The following CLEC4C variants were observed in gnomAD, a reference collection of about 807,000 sequenced individuals.
The protein encoded by CLEC4C is C-type (calcium dependent, carbohydrate-recognition domain) lectin, superfamily member 11.
CLEC4C carries 17 observed loss-of-function variants against 27.7 expected under a neutral mutation model. The observed-to-expected ratio is 0.61, with a 90% confidence interval of 0.42 to 0.92. The LOEUF is 0.92. CLEC4C is among the 40% of genes least tolerant of loss of function. The probability of loss-of-function intolerance (pLI) is 0.00; values close to 1 mark genes in which losing one functional copy is unlikely to be tolerated. For missense variants in CLEC4C, 244 were observed against 257.3 expected (o/e 0.95, Z 0.35); for synonymous variants, 80 against 80.8 (o/e 0.99, Z 0.06).
At chr12:7,737,365 A>G in intron 4 of CLEC4C, 64 bp downstream of exon 4, 1 of 1,320,626 alleles carries the variant, frequency 7.6e-7, no homozygotes, top group Admixed American at 2.7e-5. Flanking sequence ...AGGGCAATAA[A>G]AAGACTCTTT....
At chr12:7,745,867 ACT>A (rs1395390740) in intron 2 of CLEC4C, among the ~76,000 whole-genome samples, 1 of 152,002 alleles carries the variant, frequency 6.6e-6, no homozygotes, top group African/African-American at 2.4e-5. Flanking sequence ...AATAGTAATA[ACT>A]CATTTTATTA....
intron 3 of CLEC4C, among the ~76,000 whole-genome samples, chr12:7,740,428 G>A (rs925362678): frequency 6.6e-6 from 1 of 152,020 alleles, no homozygotes; most frequent in Non-Finnish European, 1.5e-5. Flanking sequence ...GGCCAGGCAC[G>A]GTGGCTCACG....
intron 5 of CLEC4C, among the ~76,000 whole-genome samples, 180 bp downstream of exon 5, chr12:7,730,617 G>A (rs950976565): frequency 2.7e-5 from 4 of 150,642 alleles, no homozygotes; most frequent in Admixed American, 2.7e-4. Flanking sequence ...TCTAGCCTGG[G>A]TGATGGAGTG....
chr12:7,731,478 C>A (rs949368046), intron 4 of CLEC4C, among the ~76,000 whole-genome samples: 1 of 152,180 alleles, frequency 6.6e-6, no homozygotes, highest in African/African-American at 2.4e-5. Flanking sequence ...AGCCACCTTT[C>A]GTATTTCTTT....
rs748789441 is a variant in CLEC4C at position 7,729,747 on chromosome 12, G to A, written c.498-7C>T. On this transcript the variant is annotated splice_region_variant and splice_polypyrimidine_tract_variant and intron_variant, in intron 5 of 5. Coordinates refer to ENST00000360345, the MANE Select transcript of CLEC4C (RefSeq NM_001371390.1). Reference sequence around the variant, plus strand: ...TTCACCTGAGTGCCAGAATCTGAAAGGTAGATAAAGGACAGTGGTGTTTTG... The same window carrying A: ...TTCACCTGAGTGCCAGAATCTGAAAAGTAGATAAAGGACAGTGGTGTTTTG... The A allele has an allele frequency of 6.2e-7, 1 of 1,613,468 alleles. No homozygotes were observed. Among genetic ancestry groups the A allele is most frequent in the Non-Finnish European group, 8.5e-7 (1 of 1,179,560 alleles).
chr12:7,747,435 G>T (rs372529475), upstream of CLEC4C: 5 of 1,405,492 alleles, frequency 3.6e-6, no homozygotes, highest in South Asian at 3.5e-5. Flanking sequence ...TACTTTCGGG[G>T]TGTGGTTCTT....
chr12:7,739,888 A>T (rs1359669675), intron 3 of CLEC4C, among the ~76,000 whole-genome samples: 1 of 147,972 alleles, frequency 6.8e-6, no homozygotes, highest in Non-Finnish European at 1.5e-5. Context: ...CTTATTGTCC[A>T]GGCTGGGACA....
intron 2 of CLEC4C, among the ~76,000 whole-genome samples, chr12:7,742,302 C>A (rs1459367014): frequency 6.6e-6 from 1 of 151,956 alleles, no homozygotes; most frequent in Non-Finnish European, 1.5e-5. Flanking sequence ...CACCTGAGGT[C>A]AGGAGTTCAA....
At chr12:7,730,703 T>C in intron 5 of CLEC4C, 94 bp downstream of exon 5, 1 of 663,284 alleles carries the variant, frequency 1.5e-6, no homozygotes, top group South Asian at 1.8e-5. Flanking sequence ...AAAAGTGTTG[T>C]GGGTTTTATT....
intron 2 of CLEC4C, among the ~76,000 whole-genome samples, chr12:7,745,345 C>T (rs1864947799): frequency 6.6e-6 from 1 of 151,312 alleles, no homozygotes; most frequent in African/African-American, 2.4e-5. Flanking sequence ...CCCAACCATC[C>T]TGACATCCTC....
At position 7,730,834 on chromosome 12, in the gene CLEC4C, G is replaced by T. The variant is rs1486486514; in HGVS notation, c.460C>A (p.Gln154Lys). The T allele has an allele frequency of 1.2e-6, 2 of 1,608,210 alleles. No individual in the cohort carries two copies. Among genetic ancestry groups the T allele is most frequent in the Admixed American group, 1.7e-5 (1 of 59,930 alleles). The change falls in exon 5 of 6, where the codon CAA becomes AAA. Residue 154 changes from glutamine to lysine, a missense_variant. Transcript: ENST00000360345. ...LSDPGGRRHW[Q>K]WVDQTPYNEN... ...TTGTATGGTGTCTGGTCAACCCATT[G>T]CCAATGTCGCCGACCCCCTGGATCT...
chr12:7,740,544 C>G (rs1166081204), intron 3 of CLEC4C, among the ~76,000 whole-genome samples: 3 of 151,362 alleles, frequency 2.0e-5, no homozygotes, highest in Non-Finnish European at 4.4e-5. Context: ...TACTAAAATA[C>G]AAAAAAATTA....
At chr12:7,735,055 G>C (rs1401747353) in intron 4 of CLEC4C, among the ~76,000 whole-genome samples, 2 of 151,666 alleles carry the variant, frequency 1.3e-5, no homozygotes, top group Non-Finnish European at 2.9e-5. Flanking sequence ...ACAAAAATTA[G>C]CCAGGAGCGG....
upstream of CLEC4C, chr12:7,747,392 C>G (rs769341525): frequency 6.2e-7 from 1 of 1,603,638 alleles, no homozygotes; most frequent in Non-Finnish European, 8.5e-7. Flanking sequence ...CAGGTGGGTG[C>G]AGAAGCTCTT....
chr12:7,740,725 G>GA (rs1343709409), intron 3 of CLEC4C, among the ~76,000 whole-genome samples: 1 of 150,108 alleles, frequency 6.7e-6, no homozygotes, highest in Non-Finnish European at 1.5e-5. Flanking sequence ...AGAAAAGAAA[G>GA]AAAAAAGAGA....
intron 2 of CLEC4C, among the ~76,000 whole-genome samples, chr12:7,743,376 ATTCTTTTTTTTTTTTT>A (rs1007445112): frequency 3.5e-5 from 5 of 142,130 alleles, no homozygotes; most frequent in African/African-American, 5.0e-5. Context: ...TCCTCACTTA[ATTCTTTTTTTTTTTTT>A]TTCTTTTTTT....
chr12:7,732,350 ATTTT>A (rs143167180), intron 4 of CLEC4C, among the ~76,000 whole-genome samples: 4 of 136,000 alleles, frequency 2.9e-5, no homozygotes, highest in East Asian at 2.3e-4. Context: ...TTATTTTTTT[ATTTT>A]TTTTATTTAT....
At chr12:7,740,847 AT>A (rs200089588) in intron 3 of CLEC4C, among the ~76,000 whole-genome samples, 33,070 of 144,738 alleles carry the variant, frequency 0.23, 4,233 homozygotes, top group Admixed American at 0.33. Context: ...TGAGGTGTCT[AT>A]TTTTTTTTTT....
chr12:7,734,046 C>T lies in CLEC4C; in HGVS notation c.382-3134G>A, dbSNP rs754120933. On this transcript the variant is annotated intron_variant, in intron 4 of 5. Coordinates refer to ENST00000360345, the MANE Select transcript of CLEC4C (RefSeq NM_001371390.1). Reference sequence around the variant, plus strand: ...TATCCGGGACTACAGGCATGAAACACGTCGCCAGGCCTCAAATAATGTTGT... The same window carrying T: ...TATCCGGGACTACAGGCATGAAACATGTCGCCAGGCCTCAAATAATGTTGT... 2.6e-5 allele frequency among the ~76,000 whole-genome samples: 4 copies of T among 152,128 alleles called. No homozygotes were observed. In the South Asian group the frequency reaches 6.2e-4, roughly 24 times the overall value.
Sources: allele counts gnomAD v4.1 joint callset (sites outside exome capture counted in the v4.1 genomes callset), GRCh38; gene constraint gnomAD v4.1.1; transcripts MANE v1.5; gene names NCBI Gene and HGNC (gene_info 2026-07-23, HGNC 2026-07-21).